Variants in FAM135B observed in about 807,000 individuals in gnomAD.
The protein encoded by FAM135B is family with sequence similarity 135 member B, also known as protein FAM135B.
A neutral mutation model predicts 127.7 loss-of-function variants in FAM135B; 43 were observed. That is an observed-to-expected ratio of 0.34 (90% CI 0.26 to 0.43). FAM135B has a LOEUF of 0.43. Among genes scored for constraint, FAM135B ranks in the 20% least tolerant of loss-of-function variants. FAM135B has a pLI of 1.00. For missense variants in FAM135B, 1,558 were observed against 1,725.6 expected (o/e 0.90, Z 1.72); for synonymous variants, 670 against 665.1 (o/e 1.01, Z -0.11).
intron 1 of FAM135B, among the ~76,000 whole-genome samples, chr8:138,427,150 G>A (rs1202286101): frequency 6.6e-6 from 1 of 151,808 alleles, no homozygotes; most frequent in Non-Finnish European, 1.5e-5. Flanking sequence ...TGGTAGTGGG[G>A]AAGAGGGAGT....
chr8:138,489,976 T>C lies in FAM135B; in HGVS notation c.-20+6695A>G, dbSNP rs576046625. Among the ~76,000 whole-genome samples the C allele has an allele frequency of 5.3e-5, 8 of 152,320 alleles. No individual in the cohort carries two copies. The East Asian group carries it at 1.2e-3, about 22-fold the overall frequency. ...TCTCTATCATAGCTTTGCCACTGTA[T>C]ATTATAACTGCTTCTCTACTTGTTT... On this transcript the variant is annotated intron_variant, in intron 1 of 19. Transcript: ENST00000395297.
chr8:138,231,900 G>C (rs1441690254), intron 7 of FAM135B, among the ~76,000 whole-genome samples: 1 of 152,202 alleles, frequency 6.6e-6, no homozygotes, highest in Non-Finnish European at 1.5e-5. Flanking sequence ...GCATCCCTGG[G>C]TGGAAGAATG....
intron 1 of FAM135B, among the ~76,000 whole-genome samples, chr8:138,449,895 C>A (rs2131583620): frequency 6.6e-6 from 1 of 152,282 alleles, no homozygotes; most frequent in Non-Finnish European, 1.5e-5. Flanking sequence ...TCTATTGGTT[C>A]AATCCCTATA....
intron 2 of FAM135B, among the ~76,000 whole-genome samples, chr8:138,312,355 G>A (rs967193429): frequency 1.3e-5 from 2 of 152,090 alleles, no homozygotes; most frequent in African/African-American, 4.8e-5. Flanking sequence ...AGCTCTAACT[G>A]TATACAGAAA....
In FAM135B at chr8:138,139,601, C is replaced by T. The variant is rs1218867532; in HGVS notation, c.3791-505G>A. Among the ~76,000 whole-genome samples, 6 of 152,132 alleles carry T rather than the reference C, an allele frequency of 3.9e-5. 1 individual carries two copies. Among genetic ancestry groups the T allele is most frequent in the South Asian group, 2.1e-4 (1 of 4,806 alleles). ...CAGCCTGGATAAAATGGTGAAATCCCGACTCTATTAAAAAATTAGCCAGGC... is the reference window on the plus strand; with the variant it reads ...CAGCCTGGATAAAATGGTGAAATCCTGACTCTATTAAAAAATTAGCCAGGC... On this transcript the variant is annotated intron_variant, in intron 17 of 19. Transcript: ENST00000395297.
At chr8:138,245,438 C>T (rs1821203167) in intron 6 of FAM135B, among the ~76,000 whole-genome samples, 1 of 152,060 alleles carries the variant, frequency 6.6e-6, no homozygotes, top group African/African-American at 2.4e-5. Context: ...TGTTCTCCTG[C>T]TAGTGAGTGA....
At chr8:138,263,466 T>C (rs780240288) in intron 4 of FAM135B, among the ~76,000 whole-genome samples, 1 of 152,164 alleles carries the variant, frequency 6.6e-6, no homozygotes, top group Admixed American at 6.5e-5. Flanking sequence ...TTGGGGCACA[T>C]AGCAGGTGGG....
At chr8:138,134,352 A>C (rs1816452236) in intron 19 of FAM135B, among the ~76,000 whole-genome samples, 3 of 152,242 alleles carry the variant, frequency 2.0e-5, no homozygotes, top group Admixed American at 1.3e-4. Flanking sequence ...AATTTGTTTA[A>C]ATTGTATATG....
intron 1 of FAM135B, among the ~76,000 whole-genome samples, chr8:138,443,035 A>T (rs188018723): frequency 1.3e-5 from 2 of 152,186 alleles, no homozygotes; most frequent in East Asian, 3.9e-4. Context: ...ATGAGTCAGG[A>T]CTCACCCAAA....
At chr8:138,323,624 C>A (rs1469625700) in intron 2 of FAM135B, among the ~76,000 whole-genome samples, 2 of 152,172 alleles carry the variant, frequency 1.3e-5, no homozygotes, top group African/African-American at 2.4e-5. Context: ...TTCTGTGTTT[C>A]TTGTGGTATC....
intron 1 of FAM135B, among the ~76,000 whole-genome samples, chr8:138,483,086 GAA>G: frequency 6.8e-6 from 1 of 146,184 alleles, no homozygotes; most frequent in African/African-American, 2.5e-5. Flanking sequence ...TTTAAAATTT[GAA>G]AAAAAAAAAT....
intron 2 of FAM135B, among the ~76,000 whole-genome samples, chr8:138,366,733 T>C (rs1392602205): frequency 2.6e-5 from 4 of 152,102 alleles, no homozygotes; most frequent in Admixed American, 2.0e-4. Context: ...ACAACTGGAG[T>C]CTAATCTTGG....
At chr8:138,311,990 A>T (rs1041747668) in intron 2 of FAM135B, among the ~76,000 whole-genome samples, 1 of 152,188 alleles carries the variant, frequency 6.6e-6, no homozygotes, top group African/African-American at 2.4e-5. Flanking sequence ...TGTGTCTCCC[A>T]GGCAGGCATA....
chr8:138,240,871 G>A (rs1435424560), intron 7 of FAM135B, among the ~76,000 whole-genome samples: 1 of 152,110 alleles, frequency 6.6e-6, no homozygotes, highest in Non-Finnish European at 1.5e-5. Flanking sequence ...GATGAGTGTT[G>A]AAAGTGTTTT....
intron 1 of FAM135B, among the ~76,000 whole-genome samples, chr8:138,433,735 T>C (rs1215924996): frequency 2.0e-5 from 3 of 152,288 alleles, no homozygotes; most frequent in Admixed American, 2.0e-4. Flanking sequence ...CTTAGCCACA[T>C]AGTTGACTTC....
chr8:138,373,598 A>G (rs908143272), intron 1 of FAM135B, among the ~76,000 whole-genome samples: 22 of 151,992 alleles, frequency 1.4e-4, no homozygotes, highest in Non-Finnish European at 3.1e-4. Flanking sequence ...TTAAACTCTG[A>G]CCACTGGTGA....
At chr8:138,387,700 A>G (rs563618772) in intron 1 of FAM135B, among the ~76,000 whole-genome samples, 1 of 152,226 alleles carries the variant, frequency 6.6e-6, no homozygotes, top group East Asian at 1.9e-4. Flanking sequence ...CCAATTCCAC[A>G]GAGGGGATTA....
chr8:138,183,362 G>A (rs919040966), intron 9 of FAM135B, among the ~76,000 whole-genome samples: 7 of 152,160 alleles, frequency 4.6e-5, no homozygotes, highest in South Asian at 2.1e-4. Flanking sequence ...GACCCAGGAA[G>A]TCCAGCTCCA....
chr8:138,311,538 G>A (rs1826685019), intron 2 of FAM135B, among the ~76,000 whole-genome samples: 1 of 152,202 alleles, frequency 6.6e-6, no homozygotes, highest in Non-Finnish European at 1.5e-5. Context: ...ATCTTTTGAA[G>A]TTCTGTGCTT....
Sources: allele counts gnomAD v4.1 joint callset (sites outside exome capture counted in the v4.1 genomes callset), GRCh38; gene constraint gnomAD v4.1.1; transcripts MANE v1.5; gene names NCBI Gene and HGNC (gene_info 2026-07-23, HGNC 2026-07-21).